The following SLC16A3 variants were observed in gnomAD, a reference collection of about 807,000 sequenced individuals.
SLC16A3 encodes the protein monocarboxylate transporter 4.
In SLC16A3, 22 loss-of-function variants were observed where a neutral mutation model predicts 25.0. That is an observed-to-expected ratio of 0.88 (90% CI 0.63 to 1.26). SLC16A3 has a LOEUF of 1.26. SLC16A3 is among the 50% of genes most tolerant of loss of function. The pLI is 0.00. For missense variants in SLC16A3, 731 were observed against 666.6 expected, an observed-to-expected ratio of 1.10 and a Z score of -1.06; for synonymous variants, 390 against 309.2, an observed-to-expected ratio of 1.26 and a Z score of -2.74.
rs370254002 is a variant in SLC16A3 at position 82,232,534 on chromosome 17, C to T, written c.-27+3428C>T. On this transcript the variant is annotated intron_variant, in intron 1 of 4. Transcript: ENST00000582743. ...AGGTTGACTCTGCAGGACGGCATTTCGAGCCACCTGGCATGGCGTTCCAGG... is the reference window on the plus strand; with the variant it reads ...AGGTTGACTCTGCAGGACGGCATTTTGAGCCACCTGGCATGGCGTTCCAGG... Among the ~76,000 whole-genome samples the T allele has an allele frequency of 1.8e-4, 28 of 152,336 alleles. 1 individual carries two copies. The highest frequency in any genetic ancestry group is 6.0e-4 in the African/African-American group (25 of 41,580).
rs932597259 is a variant in SLC16A3, at chr17:82,239,666, G to A, written c.*690G>A. 9.5e-6 allele frequency: 3 copies of A among 315,992 alleles called. No homozygotes were observed. The highest frequency in any genetic ancestry group is 1.7e-5 in the Non-Finnish European group (3 of 173,662). The allele number at this position is 315,992 out of a possible 1,614,324, so 19.6% of individuals were successfully genotyped here. ...GCGGGGCAGGTGCCTGGAGGCCGCT[G>A]TGCCAGGGTGGCCTCTGAAATGTGC... is the stretch of plus-strand genomic sequence containing the variant. On this transcript the variant is annotated 3_prime_UTR_variant, in exon 5 of 5. Coordinates refer to ENST00000582743, the MANE Select transcript of SLC16A3 (RefSeq NM_004207.4).
upstream of SLC16A3, among the ~76,000 whole-genome samples, chr17:82,227,897 C>T (rs745499036): frequency 9.9e-5 from 15 of 152,186 alleles, no homozygotes; most frequent in Non-Finnish European, 1.9e-4. Context: ...AAAGAACAGG[C>T]GGCCTTACTG....
Position 82,237,540 on chromosome 17 carries a change from G to C in SLC16A3, c.770G>C (p.Gly257Ala). Reference protein sequence around the residue: ...VFVVSYAKDLGVPDTKAAFLL... With the variant: ...VFVVSYAKDLAVPDTKAAFLL... ...GTGGTGAGCTACGCCAAGGACCTGG[G>C]CGTGCCCGACACCAAGGCCGCCTTC... Residue 257 changes from glycine to alanine, a missense_variant, in exon 4 of 5, where the codon GGC (glycine) becomes GCC (alanine). By Grantham distance (60) the Gly-to-Ala change is moderately conservative (BLOSUM62 0). Transcript: ENST00000582743. 6.2e-7 allele frequency: 1 copy of C among 1,611,568 alleles called. No individual in the cohort carries two copies. Among genetic ancestry groups the C allele is most frequent in the Non-Finnish European group, 8.5e-7 (1 of 1,179,154 alleles).
At chr17:82,222,115 G>C (rs531927412) in intron 1 of SLC16A3, among the ~76,000 whole-genome samples, 1 of 146,104 alleles carries the variant, frequency 6.8e-6, no homozygotes. Context: ...GGAGAGGAGC[G>C]TCGCCCTGGG....
chr17:82,218,686 G>A (rs1023325689), intron 1 of SLC16A3, among the ~76,000 whole-genome samples: 2 of 152,184 alleles, frequency 1.3e-5, no homozygotes, highest in Non-Finnish European at 2.9e-5. Flanking sequence ...CAGAGGCCCG[G>A]CCAGGGCTAG....
chr17:82,229,779 C>G (rs991799367), intron 1 of SLC16A3: 2 of 152,274 alleles, frequency 1.3e-5, no homozygotes, highest in African/African-American at 4.8e-5. Context: ...CCTCAGTTTC[C>G]CTATACGAAA....
At chr17:82,232,767 G>A (rs2050518580) in intron 1 of SLC16A3, among the ~76,000 whole-genome samples, 1 of 152,176 alleles carries the variant, frequency 6.6e-6, no homozygotes, top group African/African-American at 2.4e-5. Flanking sequence ...ACCCACCCCT[G>A]CCCCAGGCCT....
intron 1 of SLC16A3, among the ~76,000 whole-genome samples, chr17:82,219,665 T>A (rs1165399052): frequency 1.3e-5 from 2 of 151,862 alleles, no homozygotes; most frequent in Non-Finnish European, 2.9e-5. Flanking sequence ...TGGCCCCGCC[T>A]CTCAGTCTCG....
chr17:82,237,518 G>T lies in SLC16A3; in HGVS notation c.748G>T (p.Val250Leu). 1 of 1,611,710 alleles carries T rather than the reference G, an allele frequency of 6.2e-7. No homozygotes were observed. The highest frequency in any genetic ancestry group is 8.5e-7 in the Non-Finnish European group (1 of 1,179,522). Residue 250 changes from valine (V) to leucine (L), a missense_variant, in exon 4 of 5, where the codon GTG (valine) becomes TTG (leucine). Transcript: ENST00000582743. ...LGLFVPPVFV[V>L]SYAKDLGVPD... is the part of the protein sequence containing the mutation. ...GCTCTTCGTCCCGCCCGTGTTCGTG[G>T]TGAGCTACGCCAAGGACCTGGGCGT...
At position 82,237,485 on chromosome 17, in the gene SLC16A3, G is replaced by C; in HGVS notation, c.715G>C (p.Val239Leu). The change falls in exon 4 of 5, where the codon GTG becomes CTG. Residue 239 changes from valine (V) to leucine (L), a missense_variant. Val to Leu is a conservative substitution (Grantham distance 32). Transcript: ENST00000582743. ...TTACGCCGTGGCCGCCTCGGTCATGGTGCTGGGGCTCTTCGTCCCGCCCGT... is the reference window on the plus strand; with the variant it reads ...TTACGCCGTGGCCGCCTCGGTCATGCTGCTGGGGCTCTTCGTCCCGCCCGT... Reference protein sequence around the residue: ...VLYAVAASVMVLGLFVPPVFV... With the variant: ...VLYAVAASVMLLGLFVPPVFV... 1 of 1,610,544 alleles carries C rather than the reference G, an allele frequency of 6.2e-7. No individual in the cohort carries two copies. Among genetic ancestry groups the C allele is most frequent in the Non-Finnish European group, 8.5e-7 (1 of 1,179,572 alleles).
In SLC16A3 at chr17:82,236,315, G is replaced by A. The variant is rs1332468392; in HGVS notation, c.223+84G>A. The stretch of plus-strand genomic sequence containing the variant: ...GCGCGTGTAGCTGGGCTCAGCAACA[G>A]GGCCTTCCGCCTGCTCCCCAGGGAA... On this transcript the variant is annotated intron_variant, in intron 2 of 4. Coordinates refer to ENST00000582743, the MANE Select transcript of SLC16A3 (RefSeq NM_004207.4). 7.0e-6 allele frequency: 9 copies of A among 1,280,544 alleles called. No individual in the cohort carries two copies. In the East Asian group the frequency reaches 2.1e-4, roughly 30 times the overall value. The allele number at this position is 1,280,544 out of a possible 1,614,324, so 79.3% of individuals were successfully genotyped here.
chr17:82,220,712 C>T (rs1330131167), intron 1 of SLC16A3, among the ~76,000 whole-genome samples: 1 of 152,096 alleles, frequency 6.6e-6, no homozygotes, highest in Non-Finnish European at 1.5e-5. Context: ...ATGCTGGATC[C>T]CTATCTCACA....
chr17:82,228,806 G>A (rs2050446766), upstream of SLC16A3, among the ~76,000 whole-genome samples: 1 of 151,970 alleles, frequency 6.6e-6, no homozygotes, highest in Non-Finnish European at 1.5e-5. Flanking sequence ...GGAGCAGAGG[G>A]GGCGGGCCAG....
chr17:82,219,580 C>CT (rs1641071191), intron 1 of SLC16A3, among the ~76,000 whole-genome samples: 5 of 62,268 alleles, frequency 8.0e-5, no homozygotes, highest in African/African-American at 5.0e-4. Context: ...CCCTTCCCCA[C>CT]CGCCTCCCAG....
intron 1 of SLC16A3, among the ~76,000 whole-genome samples, chr17:82,219,790 G>T (rs1395519392): frequency 2.6e-5 from 4 of 152,146 alleles, no homozygotes; most frequent in African/African-American, 7.2e-5. Context: ...GGGCTGCGCT[G>T]TTCCCACCCA....
Position 82,240,052 on chromosome 17 carries a change from T to TC in SLC16A3, c.*1079dup. 8.1e-7 allele frequency: 1 copy of TC among 1,233,796 alleles called. No homozygotes were observed. Among genetic ancestry groups the TC allele is most frequent in the African/African-American group, 1.5e-5 (1 of 64,596 alleles). 76.4% of individuals were successfully genotyped at this position (1,233,796 alleles called of 1,614,324 possible). On this transcript the variant is annotated 3_prime_UTR_variant, in exon 5 of 5. Coordinates refer to ENST00000582743, the MANE Select transcript of SLC16A3 (RefSeq NM_004207.4). ...CGCGTGCAGCCGGAGAGATGCCATG[T>TC]CCCTGCTCCTCTGCAATGAAAAGCA...
At chr17:82,233,940 A>C (rs1014235928) in intron 1 of SLC16A3, 1 of 151,974 alleles carries the variant, frequency 6.6e-6, no homozygotes, top group Non-Finnish European at 1.5e-5. Flanking sequence ...TCCTGGGTTC[A>C]CGCCATTCTC....
At chr17:82,224,520 G>C (rs542565900), upstream of SLC16A3, among the ~76,000 whole-genome samples, 10 of 22,920 alleles carry the variant, frequency 4.4e-4, no homozygotes, top group African/African-American at 4.2e-3. Context: ...CACCCGTGCA[G>C]TCACCTGTGC....
chr17:82,232,170 T>C (rs2050507761), intron 1 of SLC16A3: 1 of 151,898 alleles, frequency 6.6e-6, no homozygotes, highest in South Asian at 2.1e-4. Flanking sequence ...ATTACCCTTT[T>C]CCTGCCCCGC....
Sources: allele counts gnomAD v4.1 joint callset (sites outside exome capture counted in the v4.1 genomes callset), GRCh38; gene constraint gnomAD v4.1.1; transcripts MANE v1.5; gene names NCBI Gene and HGNC (gene_info 2026-07-23, HGNC 2026-07-21).